UGT1A10: variants seen among roughly 807,000 people sequenced by gnomAD.
UGT1A10 encodes the protein UDP glucuronosyltransferase family 1 member A10, also known as UDP-glucuronosyltransferase 1A10.
In UGT1A10, 49 loss-of-function variants were observed where a neutral mutation model predicts 45.8. The ratio of observed to expected loss-of-function variants is 1.07; its 90% CI spans 0.85 to 1.36. UGT1A10 has a LOEUF of 1.36. Among genes scored for constraint, UGT1A10 ranks in the 40% most tolerant of loss-of-function variants. The pLI, the probability that UGT1A10 is intolerant of heterozygous loss-of-function variation, is 0.00. For missense variants in UGT1A10, 745 were observed against 668.6 expected (o/e 1.11, Z -1.26); for synonymous variants, 284 against 249.7 (o/e 1.14, Z -1.29).
intron 1 of UGT1A10, among the ~76,000 whole-genome samples, chr2:233,724,320 G>A (rs1387925983): frequency 4.7e-5 from 7 of 147,896 alleles, no homozygotes; most frequent in East Asian, 4.4e-4. Context: ...GGACGGGGCG[G>A]CTGGCCAGGC....
chr2:233,691,036 C>A (rs570585293), intron 1 of UGT1A10: 1 of 989,684 alleles, frequency 1.0e-6, no homozygotes, highest in Non-Finnish European at 1.2e-6. Context: ...CTCAGACCAA[C>A]GTCCACAGCA....
At chr2:233,729,301 G>A (rs2077833775) in intron 1 of UGT1A10, 3 of 1,614,148 alleles carry the variant, frequency 1.9e-6, no homozygotes, top group East Asian at 2.2e-5. Flanking sequence ...CCACCAGGCA[G>A]TGGTCCTCAC....
intron 1 of UGT1A10, among the ~76,000 whole-genome samples, chr2:233,742,157 G>GAC (rs1409111840): frequency 6.6e-6 from 1 of 151,878 alleles, no homozygotes; most frequent in Non-Finnish European, 1.5e-5. Context: ...ACGAATTAAA[G>GAC]ACACACACAC....
chr2:233,651,409 T>C (rs2123622), intron 1 of UGT1A10, among the ~76,000 whole-genome samples: 8 of 152,372 alleles, frequency 5.3e-5, no homozygotes, highest in African/African-American at 1.9e-4. Context: ...TATATATTTT[T>C]GGTTTTACAT....
At chr2:233,745,112 G>C (rs1457181143) in intron 1 of UGT1A10, among the ~76,000 whole-genome samples, 1 of 151,730 alleles carries the variant, frequency 6.6e-6, no homozygotes, top group Non-Finnish European at 1.5e-5. Flanking sequence ...TTAATCTGCT[G>C]TTGGCTGAAT....
At chr2:233,690,435 T>C (rs1318096136) in intron 1 of UGT1A10, 15 of 1,270,026 alleles carry the variant, frequency 1.2e-5, no homozygotes, top group Non-Finnish European at 1.5e-5. Context: ...CATCTTTGGG[T>C]CTCTCCTCTA....
chr2:233,679,725 C>T (rs1359016647), intron 1 of UGT1A10, among the ~76,000 whole-genome samples: 1 of 152,074 alleles, frequency 6.6e-6, no homozygotes, highest in African/African-American at 2.4e-5. Flanking sequence ...ATTTTAAAGC[C>T]AAACCTCTTT....
chr2:233,713,998 T>A, intron 1 of UGT1A10: 1 of 1,554,968 alleles, frequency 6.4e-7, no homozygotes, highest in Admixed American at 1.9e-5. Flanking sequence ...TAGTCTTCAG[T>A]GAGATAAACT....
chr2:233,724,704 C>G (rs867669613), intron 1 of UGT1A10, among the ~76,000 whole-genome samples: 3 of 144,994 alleles, frequency 2.1e-5, no homozygotes, highest in Non-Finnish European at 3.0e-5. Flanking sequence ...AGACGCTCCT[C>G]GCTTTCCAGA....
At chr2:233,718,925 C>T (rs752437022) in intron 1 of UGT1A10, 5 of 1,614,078 alleles carry the variant, frequency 3.1e-6, no homozygotes, top group Middle Eastern at 1.7e-4. Context: ...TGGTGGTGCC[C>T]ACTGATGGCA....
chr2:233,715,507 C>A (rs1195776038), intron 1 of UGT1A10, among the ~76,000 whole-genome samples: 1 of 152,122 alleles, frequency 6.6e-6, no homozygotes, highest in East Asian at 1.9e-4. Flanking sequence ...GTGGGTAGCT[C>A]ACACCTGTAA....
rs114034466 is a variant in UGT1A10 at position 233,660,795 on chromosome 2, C to A, written c.855+23418C>A. Among the ~76,000 whole-genome samples the A allele has an allele frequency of 2.4e-3, 367 of 152,142 alleles. 1 individual carries two copies. The highest frequency in any genetic ancestry group is 8.5e-3 in the African/African-American group (354 of 41,516). On this transcript the variant is annotated intron_variant, in intron 1 of 4. Transcript: ENST00000344644. ...TGCATGAATTAAAAACTGGCTCAGG[C>A]AGATATTCATTCTCCTCAATGCTTC...
At position 233,671,776 on chromosome 2, in the gene UGT1A10, G is replaced by T. The variant is rs1229734909; in HGVS notation, c.855+34399G>T. The T allele has an allele frequency of 8.6e-6, 12 of 1,390,666 alleles. No homozygotes were observed. In the African/African-American group the frequency reaches 1.2e-4, roughly 14 times the overall value. The allele number at this position is 1,390,666 out of a possible 1,614,324, so 86.1% of individuals were successfully genotyped here. On this transcript the variant is annotated intron_variant, in intron 1 of 4. Transcript: ENST00000344644. Reference sequence around the variant, plus strand: ...CAGCAAAAGCTACTCATATATTCTTGTTCTTTTGGGTAAATCATTGTCAGT... The same window carrying T: ...CAGCAAAAGCTACTCATATATTCTTTTTCTTTTGGGTAAATCATTGTCAGT...
intron 1 of UGT1A10, among the ~76,000 whole-genome samples, chr2:233,723,730 C>G (rs1044734705): frequency 1.3e-5 from 1 of 79,384 alleles, no homozygotes; most frequent in Non-Finnish European, 2.2e-5. Flanking sequence ...TTGGTGATGA[C>G]TCTTAACGAG....
chr2:233,741,836 G>A (rs547216882), intron 1 of UGT1A10: 1 of 151,972 alleles, frequency 6.6e-6, no homozygotes, highest in South Asian at 2.1e-4. Context: ...CAGTTCAGTT[G>A]CCTTTTGCTC....
At chr2:233,732,739 T>C (rs2078307146) in intron 1 of UGT1A10, among the ~76,000 whole-genome samples, 1 of 151,466 alleles carries the variant, frequency 6.6e-6, no homozygotes, top group Non-Finnish European at 1.5e-5. Flanking sequence ...TCAGGTAGCA[T>C]GATGCCACCA....
At chr2:233,643,458 C>T (rs917561158) in intron 1 of UGT1A10, among the ~76,000 whole-genome samples, 8 of 152,082 alleles carry the variant, frequency 5.3e-5, no homozygotes, top group African/African-American at 1.9e-4. Context: ...GTGGGCTCCC[C>T]TCTATCCCAG....
At chr2:233,738,057 T>A (rs1690675558) in intron 1 of UGT1A10, among the ~76,000 whole-genome samples, 2 of 152,114 alleles carry the variant, frequency 1.3e-5, no homozygotes, top group Admixed American at 1.3e-4. Flanking sequence ...CAGGACATGG[T>A]GGGAGGTCCC....
chr2:233,724,145 T>C (rs1184615097), intron 1 of UGT1A10, among the ~76,000 whole-genome samples: 8 of 114,770 alleles, frequency 7.0e-5, no homozygotes, highest in African/African-American at 2.9e-4. Flanking sequence ...ACGGGGCGGC[T>C]GGCCGGGTGG....
Sources: gnomAD v4.1 joint callset for allele counts (sites outside exome capture counted in the v4.1 genomes callset) on GRCh38, gnomAD v4.1.1 for gene constraint, MANE v1.5 for transcripts, NCBI Gene and HGNC (gene_info 2026-07-23, HGNC 2026-07-21) for gene names.